Variants in CDH18 observed in about 807,000 individuals in gnomAD.
CDH18 encodes the protein cadherin-18.
CDH18 carries 31 observed loss-of-function variants against 67.9 expected under a neutral mutation model. The observed-to-expected ratio is 0.46, with a 90% CI of 0.34 to 0.62. CDH18 has a LOEUF of 0.62. CDH18 is among the 20% of genes least tolerant of loss of function. The pLI is 0.01. For missense variants in CDH18, 890 were observed against 975.5 expected (o/e 0.91, Z 1.17); for synonymous variants, 362 against 347.2 (o/e 1.04, Z -0.48).
intron 2 of CDH18, among the ~76,000 whole-genome samples, chr5:19,971,523 G>A (rs1321756657): frequency 6.6e-6 from 1 of 151,986 alleles, no homozygotes; most frequent in Non-Finnish European, 1.5e-5. Flanking sequence ...GCGAAACTTG[G>A]TACATCAGTG....
chr5:19,789,763 G>T (rs1489704176), intron 3 of CDH18, among the ~76,000 whole-genome samples: 1 of 152,000 alleles, frequency 6.6e-6, no homozygotes, highest in African/African-American at 2.4e-5. Flanking sequence ...ATTGATGTTT[G>T]CCAATAGTAG....
chr5:20,165,508 G>C (rs947951389), intron 2 of CDH18, among the ~76,000 whole-genome samples: 1 of 152,020 alleles, frequency 6.6e-6, no homozygotes, highest in African/African-American at 2.4e-5. Flanking sequence ...GAATATTTTA[G>C]ACTTTGAAAT....
chr5:19,755,096 A>T (rs1206539923), intron 3 of CDH18, among the ~76,000 whole-genome samples: 3 of 151,928 alleles, frequency 2.0e-5, no homozygotes, highest in African/African-American at 4.8e-5. Context: ...TCATGCCTTA[A>T]GGAACTAGAG....
At chr5:20,376,939 T>C (rs1424154362) in intron 1 of CDH18, among the ~76,000 whole-genome samples, 1 of 150,688 alleles carries the variant, frequency 6.6e-6, no homozygotes, top group East Asian at 2.0e-4. Context: ...ATTGCTTGAA[T>C]CCGGGAGGCA....
chr5:20,210,652 C>A (rs530200469), intron 2 of CDH18, among the ~76,000 whole-genome samples: 1 of 151,576 alleles, frequency 6.6e-6, no homozygotes, highest in African/African-American at 2.4e-5. Context: ...TATTTTATAT[C>A]CGATAGTGAT....
chr5:20,259,165 A>G (rs745768511), intron 1 of CDH18, among the ~76,000 whole-genome samples: 1 of 152,076 alleles, frequency 6.6e-6, no homozygotes, highest in Admixed American at 6.6e-5. Context: ...CCCTCAACCA[A>G]TTGTTAGAAA....
At chr5:19,495,079 T>A (rs1742062549) in intron 11 of CDH18, among the ~76,000 whole-genome samples, 1 of 152,074 alleles carries the variant, frequency 6.6e-6, no homozygotes, top group African/African-American at 2.4e-5. Flanking sequence ...CATGTAAAAG[T>A]AATAGAGGCA....
At chr5:19,611,498 A>G (rs1481536242) in intron 6 of CDH18, among the ~76,000 whole-genome samples, 2 of 152,146 alleles carry the variant, frequency 1.3e-5, no homozygotes, top group Admixed American at 6.6e-5. Flanking sequence ...ATTATATTTT[A>G]GGAGGAGGCA....
intron 2 of CDH18, among the ~76,000 whole-genome samples, chr5:20,118,874 T>C (rs1416041207): frequency 6.6e-6 from 1 of 152,202 alleles, no homozygotes; most frequent in South Asian, 2.1e-4. Context: ...AAGTGCACTG[T>C]CTGGAAATTG....
chr5:19,764,681 C>A (rs1328971900), intron 3 of CDH18, among the ~76,000 whole-genome samples: 3 of 150,018 alleles, frequency 2.0e-5, no homozygotes, highest in Admixed American at 6.6e-5. Flanking sequence ...GTATATATAT[C>A]TTTATAACCA....
At chr5:20,294,920 G>C (rs1216011449) in intron 1 of CDH18, among the ~76,000 whole-genome samples, 8 of 152,006 alleles carry the variant, frequency 5.3e-5, no homozygotes, top group Non-Finnish European at 1.2e-4. Flanking sequence ...TCACTTAAAG[G>C]CTTTGATTTC....
chr5:19,719,633 C>T (rs972795940), intron 5 of CDH18, among the ~76,000 whole-genome samples: 4 of 151,632 alleles, frequency 2.6e-5, no homozygotes, highest in Non-Finnish European at 4.4e-5. Flanking sequence ...TTAAGTGATA[C>T]CTTGGAACCA....
chr5:20,448,718 T>C (rs1750199046), intron 1 of CDH18, among the ~76,000 whole-genome samples: 1 of 152,108 alleles, frequency 6.6e-6, no homozygotes, highest in East Asian at 1.9e-4. Flanking sequence ...ATGGAATCTA[T>C]ATCTGACCAG....
At chr5:20,215,264 A>G (rs1227815644) in intron 2 of CDH18, among the ~76,000 whole-genome samples, 1 of 152,000 alleles carries the variant, frequency 6.6e-6, no homozygotes. Flanking sequence ...CAATTTGAGC[A>G]ATAAAATGAA....
intron 5 of CDH18, among the ~76,000 whole-genome samples, chr5:19,647,752 C>T (rs1033937897): frequency 6.6e-6 from 1 of 151,924 alleles, no homozygotes; most frequent in South Asian, 2.1e-4. Context: ...TTCATACTCA[C>T]CCTGCGTTTG....
intron 2 of CDH18, among the ~76,000 whole-genome samples, chr5:19,851,722 C>T (rs980467420): frequency 2.0e-5 from 3 of 151,466 alleles, no homozygotes; most frequent in African/African-American, 2.4e-5. Flanking sequence ...TATTCAATAT[C>T]TTACTGGGGA....
intron 1 of CDH18, among the ~76,000 whole-genome samples, chr5:20,545,888 C>A (rs1012168031): frequency 2.0e-5 from 3 of 152,166 alleles, no homozygotes; most frequent in Admixed American, 1.3e-4. Context: ...ATTTTCCAAA[C>A]CTTTATGCTC....
In CDH18 at chr5:19,766,717, C is replaced by T. The variant is rs372533531; in HGVS notation, c.229-19481G>A. On this transcript the variant is annotated intron_variant, in intron 3 of 12. Coordinates refer to ENST00000382275, the MANE Select transcript of CDH18 (RefSeq NM_004934.5). ...CAGCAAACTAAACTGTATAATCTGG[C>T]TTTAAAAGTGCCAACCCATCCACAT... 8.5e-5 allele frequency among the ~76,000 whole-genome samples: 13 copies of T among 152,242 alleles called. No individual in the cohort carries two copies. The East Asian group carries it at 2.1e-3, about 25-fold the overall frequency.
Position 19,473,277 on chromosome 5 carries a change from A to C in CDH18, c.2322T>G (p.Phe774Leu), listed in dbSNP as rs1443002554. 6.2e-7 allele frequency: 1 copy of C among 1,613,684 alleles called. No homozygotes were observed. Among genetic ancestry groups the C allele is most frequent in the Non-Finnish European group, 8.5e-7 (1 of 1,179,794 alleles). Reference protein sequence around the residue: ...YHYLGDWGPEFKKLAELYGEI... With the variant: ...YHYLGDWGPELKKLAELYGEI... ...CTCCATAGAGTTCAGCTAACTTTTT[A>C]AACTCGGGTCCCCAGTCTCCAAGGT... Residue 774 changes from phenylalanine to leucine, a missense_variant, in exon 13 of 13, where the codon TTT becomes TTG. Physicochemically the swap from Phe to Leu is conservative, Grantham distance 22. Transcript: ENST00000382275.
Sources: allele counts gnomAD v4.1 joint callset (sites outside exome capture counted in the v4.1 genomes callset), GRCh38; gene constraint gnomAD v4.1.1; transcripts MANE v1.5; gene names NCBI Gene and HGNC (gene_info 2026-07-23, HGNC 2026-07-21).